The following REPS1 variants were observed in gnomAD, a reference collection of about 807,000 sequenced individuals.
REPS1 encodes ralBP1-associated Eps domain-containing protein 1.
Under a neutral mutation model 100.9 loss-of-function variants are expected in REPS1, and 39 were observed. That is an observed-to-expected ratio of 0.39 (90% CI 0.30 to 0.50). REPS1 has a LOEUF of 0.50. Among genes scored for constraint, REPS1 ranks in the 20% least tolerant of loss-of-function variants. The pLI, the probability that REPS1 is intolerant of heterozygous loss-of-function variation, is 0.86. For missense variants in REPS1, 821 were observed against 968.5 expected (o/e 0.85, Z 2.02); for synonymous variants, 324 against 340.3 (o/e 0.95, Z 0.53).
chr6:138,961,138 T>C (rs1369826821), intron 1 of REPS1, among the ~76,000 whole-genome samples: 1 of 152,240 alleles, frequency 6.6e-6, no homozygotes, highest in African/African-American at 2.4e-5. Flanking sequence ...CTTCTCAAGA[T>C]AGGCATTATG....
At chr6:138,967,504 C>T (rs1292254961) in intron 1 of REPS1, among the ~76,000 whole-genome samples, 1 of 152,188 alleles carries the variant, frequency 6.6e-6, no homozygotes. Context: ...TTAGGCCCCT[C>T]GATCTGCTGG....
chr6:138,985,803 T>C (rs1338488045), intron 1 of REPS1, among the ~76,000 whole-genome samples: 1 of 152,234 alleles, frequency 6.6e-6, no homozygotes, highest in South Asian at 2.1e-4. Context: ...TTAATGCTAA[T>C]GTGTCTGTCC....
chr6:138,909,542 G>C (rs116605712), intron 17 of REPS1, among the ~76,000 whole-genome samples: 1 of 152,010 alleles, frequency 6.6e-6, no homozygotes, highest in Non-Finnish European at 1.5e-5. Context: ...GGTTTGGCTC[G>C]GTGTCCCCAG....
chr6:138,935,140 G>C lies in REPS1; in HGVS notation c.1136-5042C>G, dbSNP rs376437353. 6.6e-5 allele frequency among the ~76,000 whole-genome samples: 10 copies of C among 152,202 alleles called. No individual in the cohort carries two copies. In the East Asian group the frequency reaches 1.9e-3, roughly 29 times the overall value. On this transcript the variant is annotated intron_variant, in intron 8 of 19. Coordinates refer to ENST00000450536, the MANE Select transcript of REPS1 (RefSeq NM_001286611.2). ...AACTTAGTAAGCAGACCTTATGAGG[G>C]TCTATGAAACTTATTCGGTAAGACT...
At chr6:138,916,134 G>T (rs937762034) in intron 13 of REPS1, 158 bp from the exon 14 acceptor site, 2 of 587,236 alleles carry the variant, frequency 3.4e-6, no homozygotes, top group Non-Finnish European at 6.2e-6. Flanking sequence ...AGATAGCACT[G>T]TTTATGATGT....
chr6:138,985,852 C>T (rs1785227865), intron 1 of REPS1, among the ~76,000 whole-genome samples: 1 of 152,178 alleles, frequency 6.6e-6, no homozygotes, highest in African/African-American at 2.4e-5. Flanking sequence ...TTTGTGTACC[C>T]ATTAAAAAGA....
At chr6:138,953,752 A>G (rs1238993101) in intron 1 of REPS1, among the ~76,000 whole-genome samples, 1 of 152,122 alleles carries the variant, frequency 6.6e-6, no homozygotes, top group African/African-American at 2.4e-5. Context: ...TGGGAATGCA[A>G]ACTAGTTATA....
At chr6:138,974,775 T>C (rs956408223) in intron 1 of REPS1, among the ~76,000 whole-genome samples, 1 of 152,142 alleles carries the variant, frequency 6.6e-6, no homozygotes, top group Non-Finnish European at 1.5e-5. Context: ...AGGCCGGACA[T>C]GGTGGTTCAC....
intron 1 of REPS1, among the ~76,000 whole-genome samples, chr6:138,954,235 G>T (rs1308667722): frequency 1.3e-5 from 2 of 152,038 alleles, no homozygotes; most frequent in Non-Finnish European, 2.9e-5. Context: ...ATGACAACTA[G>T]ATAGGAGGAA....
chr6:138,928,301 T>A (rs1276581189), intron 9 of REPS1: 1 of 152,178 alleles, frequency 6.6e-6, no homozygotes, highest in Non-Finnish European at 1.5e-5. Flanking sequence ...AGGTTAGAGA[T>A]TATTAGGGTC....
At chr6:138,952,070 C>T (rs1783073839) in intron 1 of REPS1, among the ~76,000 whole-genome samples, 1 of 152,132 alleles carries the variant, frequency 6.6e-6, no homozygotes, top group South Asian at 2.1e-4. Flanking sequence ...TGCTATAATA[C>T]TGAAAACTAC....
At chr6:138,979,287 C>T (rs996467455) in intron 1 of REPS1, among the ~76,000 whole-genome samples, 10 of 151,140 alleles carry the variant, frequency 6.6e-5, no homozygotes, top group African/African-American at 2.4e-4. Flanking sequence ...TCAAGGACTT[C>T]TCATCTCCCT....
intron 12 of REPS1, among the ~76,000 whole-genome samples, chr6:138,919,511 C>T (rs1780614676): frequency 6.6e-6 from 1 of 152,226 alleles, no homozygotes. Context: ...TGTTACTATC[C>T]TACCACTGCT....
rs553427280 is a variant in REPS1, at chr6:138,912,628, C to A, written c.1971+137G>T. ...CACTGCAACCAGCAGATATTGGAGG[C>A]CAATAAAAAAGATGAGAAGCACTGA... On this transcript the variant is annotated intron_variant, in intron 16 of 19. Transcript: ENST00000450536. The A allele has an allele frequency of 7.1e-5, 57 of 801,678 alleles. 1 individual carries two copies. The highest frequency in any genetic ancestry group is 4.7e-4 in the Middle Eastern group (2 of 4,224). 49.7% of individuals were successfully genotyped at this position (801,678 alleles called of 1,614,324 possible).
chr6:138,958,193 G>A (rs949541744), intron 1 of REPS1, among the ~76,000 whole-genome samples: 5 of 152,146 alleles, frequency 3.3e-5, no homozygotes, highest in Non-Finnish European at 5.9e-5. Flanking sequence ...ACATAAAGTG[G>A]AGTTTTAAGA....
At chr6:138,959,548 G>A (rs778048884) in intron 1 of REPS1, among the ~76,000 whole-genome samples, 8 of 152,170 alleles carry the variant, frequency 5.3e-5, no homozygotes, top group South Asian at 4.1e-4. Context: ...TTATTCTACC[G>A]CTTTCATTTT....
chr6:138,959,805 C>T (rs902050919), intron 1 of REPS1, among the ~76,000 whole-genome samples: 2 of 152,136 alleles, frequency 1.3e-5, no homozygotes, highest in African/African-American at 4.8e-5. Context: ...ATAGCAAATA[C>T]CTATTATTAG....
intron 1 of REPS1, among the ~76,000 whole-genome samples, chr6:138,961,084 A>G (rs996901769): frequency 2.6e-5 from 4 of 152,220 alleles, no homozygotes; most frequent in African/African-American, 9.7e-5. Context: ...TGTTCATGAA[A>G]AAAGTAGTTA....
rs1779491456 is a variant in REPS1 at position 138,903,891 on chromosome 6, A to C, written c.*1173T>G. The C allele has an allele frequency of 6.6e-6, 1 of 152,204 alleles. No homozygotes were observed. The highest frequency in any genetic ancestry group is 2.4e-5 in the African/African-American group (1 of 41,458). 9.4% of individuals were successfully genotyped at this position (152,204 alleles called of 1,614,324 possible). A position where few individuals can be genotyped will look rare whatever the true frequency, so the allele number is the denominator to read the frequency against. On this transcript the variant is annotated 3_prime_UTR_variant, in exon 20 of 20. Transcript: ENST00000450536. ...CTTCAAATTCTTGTTTACAGTAACA[A>C]AGTCTATCGGTGCAGTTTAGGACTG...
Sources: allele counts gnomAD v4.1 joint callset (sites outside exome capture counted in the v4.1 genomes callset), GRCh38; gene constraint gnomAD v4.1.1; transcripts MANE v1.5; gene names NCBI Gene and HGNC (gene_info 2026-07-23, HGNC 2026-07-21).